EXOC3L2: variants seen among roughly 807,000 people sequenced by gnomAD.
EXOC3L2 encodes exocyst complex component 3 like 2.
A neutral mutation model predicts 44.4 loss-of-function variants in EXOC3L2; 17 were observed. That is an observed-to-expected ratio of 0.38 (90% CI 0.26 to 0.57). The LOEUF (loss-of-function observed/expected upper bound fraction) is 0.57, where lower values mean the gene tolerates loss of function less well. Among genes scored for constraint, EXOC3L2 ranks in the 20% least tolerant of loss-of-function variants. EXOC3L2 has a pLI of 0.65. For synonymous variants in EXOC3L2, 256 were observed against 253.7 expected, an observed-to-expected ratio of 1.01 and a Z score of -0.09; for missense variants, 541 against 588.4, an observed-to-expected ratio of 0.92 and a Z score of 0.83.
In EXOC3L2 at chr19:45,225,058, G is replaced by T. The variant is rs545167719; in HGVS notation, c.1584-145C>A. ...AGAAAGGTCAGGGACTCTGGAGAGG[G>T]GTCAGGGGATGCTTGACAGGTTGGG... On this transcript the variant is annotated intron_variant, in intron 7 of 11. Coordinates refer to ENST00000413988, the MANE Select transcript of EXOC3L2 (RefSeq NM_001382422.1). The T allele has an allele frequency of 8.2e-6, 9 of 1,098,908 alleles. No homozygotes were observed. The South Asian group carries it at 2.0e-4, about 24-fold the overall frequency. 68.1% of individuals were successfully genotyped at this position (1,098,908 alleles called of 1,614,324 possible). A position where few individuals can be genotyped will look rare whatever the true frequency, so the allele number is the denominator to read the frequency against.
chr19:45,243,707 GCACCTCCACCTC>G (rs1970148144), intron 1 of EXOC3L2, among the ~76,000 whole-genome samples: 2 of 152,086 alleles, frequency 1.3e-5, no homozygotes, highest in Non-Finnish European at 2.9e-5. Flanking sequence ...TCAGCTCACT[GCACCTCCACCTC>G]CAGGGTTCAA....
At chr19:45,228,368 G>A in intron 4 of EXOC3L2, 102 bp from the exon 5 acceptor site, 1 of 1,014,926 alleles carries the variant, frequency 9.9e-7, no homozygotes, top group East Asian at 2.6e-5. Flanking sequence ...TTAACCCCAA[G>A]CAGTTCTGGA....
intron 8 of EXOC3L2, among the ~76,000 whole-genome samples, chr19:45,221,060 C>T (rs1217354534): frequency 1.3e-5 from 2 of 151,748 alleles, no homozygotes; most frequent in Non-Finnish European, 2.9e-5. Flanking sequence ...GGGGGAGAGG[C>T]TGCAGTCTGG....
chr19:45,224,261 A>G (rs1190849880), intron 8 of EXOC3L2, among the ~76,000 whole-genome samples: 1 of 152,062 alleles, frequency 6.6e-6, no homozygotes, highest in African/African-American at 2.4e-5. Context: ...TGGGGGCTAC[A>G]GTGGGATTTT....
Position 45,238,587 on chromosome 19 carries a change from G to A in EXOC3L2, c.459C>T (p.Gly153=), listed in dbSNP as rs774562856. ...TGGGTGGGGGCTCTGGAGCTGCCTC[G>A]CCTGCAGGCACCACTCTCTCAGCCA... ...ASLAERVVPA[G]EAAPEPPPKV... is the part of the protein sequence containing the mutation. The change falls in exon 2 of 12, where the codon GGC becomes GGT. Residue 153 remains glycine, a synonymous_variant. Transcript: ENST00000413988. This position sits in a 1 kb window ranked among gnomAD's most constrained non-coding sequence, Gnocchi z 5.5. 2 of 399,484 alleles carry A rather than the reference G, an allele frequency of 5.0e-6. No individual in the cohort carries two copies. Among genetic ancestry groups the A allele is most frequent in the Admixed American group, 8.8e-5 (2 of 22,710 alleles). 24.7% of individuals were successfully genotyped at this position (399,484 alleles called of 1,614,324 possible).
intron 7 of EXOC3L2, 75 bp downstream of exon 7, chr19:45,227,587 C>T: frequency 7.6e-7 from 1 of 1,318,912 alleles, no homozygotes; most frequent in South Asian, 1.3e-5. Context: ...GCAATCCCCA[C>T]CCAGGATCCG....
intron 3 of EXOC3L2, among the ~76,000 whole-genome samples, 156 bp from the exon 4 acceptor site, chr19:45,232,030 GAATTGT>G (rs2122982298): frequency 6.6e-6 from 1 of 152,238 alleles, no homozygotes; most frequent in Non-Finnish European, 1.5e-5. Context: ...GAAGTCTTTG[GAATTGT>G]TGCTTCCCCG....
At chr19:45,217,245 A>G (rs1969845012) in intron 10 of EXOC3L2, among the ~76,000 whole-genome samples, 1 of 152,190 alleles carries the variant, frequency 6.6e-6, no homozygotes, top group South Asian at 2.1e-4. Flanking sequence ...AGCACTTAAC[A>G]GGAATTAACC....
chr19:45,241,257 G>A (rs1160004873), intron 1 of EXOC3L2, among the ~76,000 whole-genome samples: 1 of 152,116 alleles, frequency 6.6e-6, no homozygotes, highest in East Asian at 1.9e-4. Flanking sequence ...TTGGGAGGCC[G>A]AGGCGGGCGG....
chr19:45,219,541 T>A (rs188591964), intron 8 of EXOC3L2, among the ~76,000 whole-genome samples: 1 of 152,204 alleles, frequency 6.6e-6, no homozygotes, highest in Admixed American at 6.5e-5. Context: ...ATGTTCCCCA[T>A]CTGGAGCTCT....
At chr19:45,217,772 C>T in intron 9 of EXOC3L2, 89 bp from the exon 10 acceptor site, 8 of 1,353,500 alleles carry the variant, frequency 5.9e-6, no homozygotes, top group Non-Finnish European at 7.6e-6. Flanking sequence ...CCGCCCCACT[C>T]GCCCACATCC....
chr19:45,219,763 A>C (rs1296005308), intron 8 of EXOC3L2, among the ~76,000 whole-genome samples: 1 of 152,194 alleles, frequency 6.6e-6, no homozygotes, highest in Non-Finnish European at 1.5e-5. Context: ...GGGGAAGTTA[A>C]TTTCTAACTT....
intron 3 of EXOC3L2, among the ~76,000 whole-genome samples, chr19:45,232,353 G>C (rs1413316019): frequency 2.0e-5 from 3 of 152,036 alleles, no homozygotes; most frequent in Non-Finnish European, 1.5e-5. Context: ...AAACACCATT[G>C]CCCTACAAAT....
intron 2 of EXOC3L2, among the ~76,000 whole-genome samples, chr19:45,235,650 C>T (rs1404782501): frequency 6.6e-6 from 1 of 152,130 alleles, no homozygotes; most frequent in Non-Finnish European, 1.5e-5. Flanking sequence ...CCCAGGGTTA[C>T]CCTCGACACC....
chr19:45,235,076 G>A (rs1970070360), intron 2 of EXOC3L2, among the ~76,000 whole-genome samples: 1 of 152,138 alleles, frequency 6.6e-6, no homozygotes, highest in African/African-American at 2.4e-5. Flanking sequence ...CGAGGCCGGC[G>A]GATCACTTGA....
chr19:45,229,218 AATATATACATATATTTATGTATTAAATAT>A (rs1970000943), intron 4 of EXOC3L2, among the ~76,000 whole-genome samples: 1 of 125,026 alleles, frequency 8.0e-6, no homozygotes, highest in Non-Finnish European at 1.7e-5. Context: ...TTATGTATTA[AATATATACATATATTTATGTATTAAATAT>A]ATACATATAT....
intron 8 of EXOC3L2, 117 bp downstream of exon 8, chr19:45,224,661 C>A (rs531668975): frequency 1.4e-5 from 20 of 1,395,504 alleles, no homozygotes; most frequent in Non-Finnish European, 1.5e-5. Flanking sequence ...CCCTGCCCCC[C>A]GCCCCTGTCT....
At chr19:45,224,944 G>A in intron 7 of EXOC3L2, 31 bp from the exon 8 acceptor site, 1 of 1,491,202 alleles carries the variant, frequency 6.7e-7, no homozygotes. Context: ...AAAACTGAGG[G>A]ACCCCAACAT....
chr19:45,221,173 C>T (rs1430030387), intron 8 of EXOC3L2, among the ~76,000 whole-genome samples: 3 of 151,634 alleles, frequency 2.0e-5, no homozygotes, highest in East Asian at 3.9e-4. Flanking sequence ...GCTCTCTCAC[C>T]CTGACAGCAG....
Sources: allele counts gnomAD v4.1 joint callset (sites outside exome capture counted in the v4.1 genomes callset), GRCh38; gene constraint gnomAD v4.1.1; non-coding constraint Gnocchi (gnomAD v3.1); transcripts MANE v1.5; gene names NCBI Gene and HGNC (gene_info 2026-07-23, HGNC 2026-07-21).